Variants in ITGA9 observed in about 807,000 individuals in gnomAD.
The protein encoded by ITGA9 is integrin subunit alpha 9, also known as integrin alpha-9.
In ITGA9, 56 loss-of-function variants were observed where a neutral mutation model predicts 127.8. The observed-to-expected ratio is 0.44, with a 90% CI of 0.35 to 0.55. ITGA9 has a LOEUF of 0.55. ITGA9 is among the 20% of genes least tolerant of loss of function. ITGA9 has a pLI of 0.00. For missense variants in ITGA9, 1,196 were observed against 1,347.1 expected, an observed-to-expected ratio of 0.89 and a Z score of 1.76; for synonymous variants, 508 against 514.5, an observed-to-expected ratio of 0.99 and a Z score of 0.17.
chr3:37,610,763 AC>A (rs2125625642), intron 15 of ITGA9, among the ~76,000 whole-genome samples: 1 of 152,308 alleles, frequency 6.6e-6, no homozygotes, highest in South Asian at 2.1e-4. Flanking sequence ...CAGTATTTCC[AC>A]CCTTTCCCGC....
intron 11 of ITGA9, among the ~76,000 whole-genome samples, chr3:37,520,998 C>G (rs1380713511): frequency 6.6e-6 from 1 of 152,168 alleles, no homozygotes; most frequent in African/African-American, 2.4e-5. Context: ...CACAGTATAA[C>G]TCTTGTGGTT....
At chr3:37,455,808 G>C (rs1698249623) in intron 1 of ITGA9, among the ~76,000 whole-genome samples, 1 of 152,150 alleles carries the variant, frequency 6.6e-6, no homozygotes, top group Non-Finnish European at 1.5e-5. Flanking sequence ...GGAAGTGGTA[G>C]GGGGAGAGCA....
chr3:37,702,626 A>C (rs915930661), intron 18 of ITGA9, among the ~76,000 whole-genome samples: 1 of 152,128 alleles, frequency 6.6e-6, no homozygotes, highest in Non-Finnish European at 1.5e-5. Flanking sequence ...GGTTAAGCAG[A>C]GAAAACCGTC....
At chr3:37,611,780 AG>A (rs913908860) in intron 15 of ITGA9, among the ~76,000 whole-genome samples, 1 of 152,094 alleles carries the variant, frequency 6.6e-6, no homozygotes, top group African/African-American at 2.4e-5. Context: ...ATACCCTCTC[AG>A]GGCTCATGAA....
At chr3:37,626,955 T>G (rs1477340626) in intron 15 of ITGA9, among the ~76,000 whole-genome samples, 7 of 152,182 alleles carry the variant, frequency 4.6e-5, no homozygotes, top group Admixed American at 6.5e-5. Context: ...ACATAAAGAT[T>G]GCATTCATTC....
intron 4 of ITGA9, among the ~76,000 whole-genome samples, chr3:37,493,398 G>T (rs1168151230): frequency 6.6e-6 from 1 of 152,206 alleles, no homozygotes; most frequent in African/African-American, 2.4e-5. Flanking sequence ...GGTCACTGGG[G>T]TAGCCCCAGC....
intron 16 of ITGA9, among the ~76,000 whole-genome samples, chr3:37,639,107 A>C (rs547005661): frequency 6.6e-6 from 1 of 152,346 alleles, no homozygotes; most frequent in South Asian, 2.1e-4. Flanking sequence ...CCTGATGGGC[A>C]CACATTGCAC....
chr3:37,480,092 A>G (rs1698536444), intron 3 of ITGA9, among the ~76,000 whole-genome samples: 1 of 152,158 alleles, frequency 6.6e-6, no homozygotes, highest in Non-Finnish European at 1.5e-5. Flanking sequence ...GGAGAAGTGG[A>G]ACGGGCTGGG....
intron 26 of ITGA9, among the ~76,000 whole-genome samples, chr3:37,795,756 C>A (rs184842882): frequency 3.9e-5 from 6 of 152,276 alleles, no homozygotes; most frequent in Admixed American, 6.5e-5. Context: ...GCAGACTTCT[C>A]CTCCTCCTCA....
chr3:37,703,763 G>A (rs1322380756), intron 18 of ITGA9, among the ~76,000 whole-genome samples: 1 of 152,182 alleles, frequency 6.6e-6, no homozygotes, highest in East Asian at 1.9e-4. Flanking sequence ...TTGTTTATGT[G>A]CCAGAGGCTG....
intron 22 of ITGA9, among the ~76,000 whole-genome samples, chr3:37,746,588 T>C (rs1196888552): frequency 6.6e-6 from 1 of 152,222 alleles, no homozygotes; most frequent in Non-Finnish European, 1.5e-5. Context: ...CAAATCAGCA[T>C]CCTTTTCTTC....
chr3:37,698,378 T>A (rs1251811133), intron 18 of ITGA9, among the ~76,000 whole-genome samples: 1 of 152,232 alleles, frequency 6.6e-6, no homozygotes, highest in Non-Finnish European at 1.5e-5. Context: ...TTGTTGCCAT[T>A]GCTTTTGGTG....
chr3:37,546,048 A>G (rs1381478829), intron 15 of ITGA9, among the ~76,000 whole-genome samples: 2 of 152,134 alleles, frequency 1.3e-5, no homozygotes, highest in Non-Finnish European at 2.9e-5. Flanking sequence ...ATTTTCTTTC[A>G]TATTTTTCTC....
intron 15 of ITGA9, among the ~76,000 whole-genome samples, chr3:37,559,527 C>A (rs1699465241): frequency 1.3e-5 from 2 of 152,214 alleles, no homozygotes; most frequent in Admixed American, 1.3e-4. Flanking sequence ...AATTTCCAAG[C>A]AGGTGTCCTT....
rs2125551517 is a variant in ITGA9 at position 37,779,987 on chromosome 3, T to C, written c.2753T>C (p.Ile918Thr). 6.2e-7 allele frequency: 1 copy of C among 1,614,072 alleles called. No individual in the cohort carries two copies. Among genetic ancestry groups the C allele is most frequent in the East Asian group, 2.2e-5 (1 of 44,880 alleles). ...AAAGAAGAAAGTCGTACTATAGACA[T>C]TTACATGCTGCTGAACACAGAAATA... ...LAKEESRTID[I>T]YMLLNTEILK... The change falls in exon 25 of 28, where the codon ATT becomes ACT. Residue 918 changes from isoleucine (I) to threonine (T), a missense_variant. Transcript: ENST00000264741.
chr3:37,477,515 A>G (rs924714063), intron 3 of ITGA9, among the ~76,000 whole-genome samples: 1 of 152,196 alleles, frequency 6.6e-6, no homozygotes, highest in Non-Finnish European at 1.5e-5. Context: ...CTCCATGGAC[A>G]CTGTTGCACC....
chr3:37,590,986 G>A (rs1413285637), intron 15 of ITGA9, among the ~76,000 whole-genome samples: 1 of 152,164 alleles, frequency 6.6e-6, no homozygotes, highest in African/African-American at 2.4e-5. Context: ...CCTCGCCTCT[G>A]CTGTCCTGCT....
chr3:37,532,296 C>A (rs193131609), intron 13 of ITGA9, among the ~76,000 whole-genome samples: 1 of 152,348 alleles, frequency 6.6e-6, no homozygotes, highest in African/African-American at 2.4e-5. Flanking sequence ...TCTTCACTTC[C>A]TTTGTTCACC....
intron 16 of ITGA9, among the ~76,000 whole-genome samples, chr3:37,637,822 G>C (rs988382411): frequency 1.3e-5 from 2 of 152,108 alleles, no homozygotes; most frequent in Non-Finnish European, 2.9e-5. Flanking sequence ...ACAGGTGCAC[G>C]CCACTATGCC....
Sources: allele counts gnomAD v4.1 joint callset (sites outside exome capture counted in the v4.1 genomes callset), GRCh38; gene constraint gnomAD v4.1.1; transcripts MANE v1.5; gene names NCBI Gene and HGNC (gene_info 2026-07-23, HGNC 2026-07-21).